The following ALKAL1 variants were observed in gnomAD, a reference collection of about 807,000 sequenced individuals.
ALKAL1 encodes the protein ALK and LTK ligand 1, also known as AUG-beta.
A neutral mutation model predicts 13.5 loss-of-function variants in ALKAL1; 23 were observed. The ratio of observed to expected loss-of-function variants is 1.70; its 90% confidence interval spans 1.23 to 2.41. ALKAL1 has a LOEUF of 2.41. ALKAL1 is among the 30% of genes most tolerant of loss of function. The probability of loss-of-function intolerance (pLI) is 0.00; values close to 1 mark genes in which losing one functional copy is unlikely to be tolerated. For synonymous variants in ALKAL1, 85 were observed against 77.7 expected (o/e 1.09, Z -0.49); for missense variants, 181 against 178.4 (o/e 1.01, Z -0.08).
chr8:52,558,852 G>GA (rs572163593), intron 1 of ALKAL1, among the ~76,000 whole-genome samples: 11 of 151,902 alleles, frequency 7.2e-5, no homozygotes, highest in Admixed American at 2.6e-4. Flanking sequence ...AATTTTTAAA[G>GA]AAAAAAAAGC....
rs186928172 is a variant in ALKAL1, at chr8:52,538,910, C to T, written c.326-403G>A. On this transcript the variant is annotated intron_variant, in intron 3 of 4. Transcript: ENST00000358543. Reference sequence around the variant, plus strand: ...TTTGGAATTTTAATTTATTTATTTACTTATTTATTTATTTATTTATTTAGA... The same window carrying T: ...TTTGGAATTTTAATTTATTTATTTATTTATTTATTTATTTATTTATTTAGA... Among the ~76,000 whole-genome samples, 254 of 151,232 alleles carry T rather than the reference C, an allele frequency of 1.7e-3. 3 individuals carry two copies. In the East Asian group the frequency reaches 0.022, roughly 13 times the overall value.
At chr8:52,555,247 GGAAGAGGC>G (rs1014475530) in intron 1 of ALKAL1, among the ~76,000 whole-genome samples, 10 of 152,018 alleles carry the variant, frequency 6.6e-5, no homozygotes, top group African/African-American at 2.4e-4. Flanking sequence ...ATCATGGGCA[GGAAGAGGC>G]GATGGAGGGC....
At position 52,534,362 on chromosome 8, in the gene ALKAL1, C is replaced by T. The variant is rs1847247611; in HGVS notation, c.*251G>A. 2.9e-6 allele frequency: 1 copy of T among 340,260 alleles called. No individual in the cohort carries two copies. 21.1% of individuals were successfully genotyped at this position (340,260 alleles called of 1,614,324 possible). A position where few individuals can be genotyped will look rare whatever the true frequency, so the allele number is the denominator to read the frequency against. ...AATACAATCACACAATTTTTAATAT[C>T]TAATTTTCAATATGCGATTCAAACT... On this transcript the variant is annotated 3_prime_UTR_variant, in exon 5 of 5. Coordinates refer to ENST00000358543, the MANE Select transcript of ALKAL1 (RefSeq NM_207413.4).
At chr8:52,554,416 AG>A (rs778600018) in intron 1 of ALKAL1, among the ~76,000 whole-genome samples, 2 of 152,226 alleles carry the variant, frequency 1.3e-5, no homozygotes, top group Non-Finnish European at 2.9e-5. Flanking sequence ...CAACAAACAA[AG>A]CAACTGGGAA....
chr8:52,537,230 A>G (rs1847273619), intron 4 of ALKAL1, among the ~76,000 whole-genome samples: 1 of 152,232 alleles, frequency 6.6e-6, no homozygotes, highest in Non-Finnish European at 1.5e-5. Context: ...AATGCTAAAC[A>G]TCACTAATCA....
chr8:52,536,596 T>C (rs1361901347), intron 4 of ALKAL1, among the ~76,000 whole-genome samples: 2 of 152,238 alleles, frequency 1.3e-5, no homozygotes, highest in Non-Finnish European at 2.9e-5. Flanking sequence ...TTATCTTTTT[T>C]ATTCTTTGCT....
In ALKAL1 at chr8:52,538,473, T is replaced by C. The variant is rs779678030; in HGVS notation, c.360A>G (p.Leu120=). The change falls in exon 4 of 5, where the codon TTA becomes TTG. Residue 120 remains leucine, a synonymous_variant. Transcript: ENST00000358543. ...TCTGGGAGCACAGTGGACTCACTGC[T>C]AATCTTGTTAACAATCTAGCACATC... ...YKRCARLLTR[L]AVSPLCSQT 10 of 1,610,962 alleles carry C rather than the reference T, an allele frequency of 6.2e-6. No homozygotes were observed. The East Asian group carries it at 1.6e-4, about 25-fold the overall frequency.
Position 52,565,293 on chromosome 8 carries a change from G to A in ALKAL1, c.-37C>T, listed in dbSNP as rs763211736. On this transcript the variant is annotated 5_prime_UTR_variant, in exon 1 of 5. Coordinates refer to ENST00000358543, the MANE Select transcript of ALKAL1 (RefSeq NM_207413.4). ...GGGAGGAGAGAGCGGGAGACTCCGGGAGGATCCCGACGCAGGTCCGGAGGG... is the reference window on the plus strand; with the variant it reads ...GGGAGGAGAGAGCGGGAGACTCCGGAAGGATCCCGACGCAGGTCCGGAGGG... 26 of 1,263,140 alleles carry A rather than the reference G, an allele frequency of 2.1e-5. No homozygotes were observed. Among genetic ancestry groups the A allele is most frequent in the Non-Finnish European group, 2.5e-5 (25 of 987,178 alleles). 78.2% of individuals were successfully genotyped at this position (1,263,140 alleles called of 1,614,324 possible).
chr8:52,550,434 A>G (rs1847418221), intron 1 of ALKAL1, among the ~76,000 whole-genome samples: 1 of 135,140 alleles, frequency 7.4e-6, no homozygotes, highest in Non-Finnish European at 1.7e-5. Context: ...TGAGCTGCAG[A>G]GACAGAGTTG....
At chr8:52,538,892 TTTTAA>T (rs1346869899) in intron 3 of ALKAL1, among the ~76,000 whole-genome samples, 10 of 151,954 alleles carry the variant, frequency 6.6e-5, no homozygotes, top group African/African-American at 1.9e-4. Flanking sequence ...TATTTTGGAA[TTTTAA>T]TTTATTTATT....
In ALKAL1 at chr8:52,565,070, C is replaced by A. The variant is rs777953303; in HGVS notation, c.187G>T (p.Ala63Ser). 5.7e-6 allele frequency: 8 copies of A among 1,397,588 alleles called. No homozygotes were observed. The highest frequency in any genetic ancestry group is 1.6e-5 in the South Asian group (1 of 62,674). The allele number at this position is 1,397,588 out of a possible 1,614,324, so 86.6% of individuals were successfully genotyped here. ...AGRTPSGSRSAEIFPRDSNLK... is the reference protein window; with the variant it reads ...AGRTPSGSRSSEIFPRDSNLK... ...GGGCGGGATGGGGACATCGTACCTG[C>A]GCTCCGGGAGCCGCTGGGAGTCCGG... The change falls in exon 1 of 5, where the codon GCA (alanine) becomes TCA (serine). Residue 63 changes from alanine (A) to serine (S), a missense_variant. Transcript: ENST00000358543.
intron 1 of ALKAL1, among the ~76,000 whole-genome samples, chr8:52,549,010 T>C (rs1847401666): frequency 6.6e-6 from 1 of 152,198 alleles, no homozygotes; most frequent in Non-Finnish European, 1.5e-5. Flanking sequence ...TGAAAATGTT[T>C]ACTGTTTGCT....
Position 52,565,356 on chromosome 8 carries a change from G to C in ALKAL1, c.-100C>G. 19 of 994,150 alleles carry C rather than the reference G, an allele frequency of 1.9e-5. No homozygotes were observed. The highest frequency in any genetic ancestry group is 2.5e-5 in the Non-Finnish European group (19 of 757,702). The allele number at this position is 994,150 out of a possible 1,614,324, so 61.6% of individuals were successfully genotyped here. On this transcript the variant is annotated 5_prime_UTR_variant, in exon 1 of 5. Coordinates refer to ENST00000358543, the MANE Select transcript of ALKAL1 (RefSeq NM_207413.4). ...GAGAAGGCCAGCGGGACCACAGCGC[G>C]GCTACGCGGCCGGCCGCAGTCTTCA...
intron 1 of ALKAL1, among the ~76,000 whole-genome samples, chr8:52,546,911 A>T (rs1847374956): frequency 6.6e-6 from 1 of 152,154 alleles, no homozygotes; most frequent in African/African-American, 2.4e-5. Context: ...TGCCCAAAAT[A>T]TTGACTATGT....
At chr8:52,541,646 G>A (rs1847313764) in intron 2 of ALKAL1, among the ~76,000 whole-genome samples, 1 of 152,126 alleles carries the variant, frequency 6.6e-6, no homozygotes, top group Non-Finnish European at 1.5e-5. Context: ...GCACATGCCT[G>A]TAATCCCAGC....
At chr8:52,552,381 T>C (rs1847438547) in intron 1 of ALKAL1, among the ~76,000 whole-genome samples, 1 of 152,206 alleles carries the variant, frequency 6.6e-6, no homozygotes, top group Non-Finnish European at 1.5e-5. Context: ...TCAGGATTCT[T>C]ACTGCAAAGC....
At chr8:52,549,341 G>A (rs1424668210) in intron 1 of ALKAL1, among the ~76,000 whole-genome samples, 2 of 151,728 alleles carry the variant, frequency 1.3e-5, no homozygotes, top group Non-Finnish European at 2.9e-5. Flanking sequence ...AATTATAGAT[G>A]AGAACTGTTT....
At chr8:52,540,832 A>T (rs1847305793) in intron 2 of ALKAL1, among the ~76,000 whole-genome samples, 1 of 152,112 alleles carries the variant, frequency 6.6e-6, no homozygotes, top group Non-Finnish European at 1.5e-5. Flanking sequence ...GTCGCTCACA[A>T]CTGCCTCGAA....
At chr8:52,541,522 C>T (rs1847311989) in intron 2 of ALKAL1, among the ~76,000 whole-genome samples, 1 of 152,148 alleles carries the variant, frequency 6.6e-6, no homozygotes. Context: ...AATCCCAGCA[C>T]TTTGGGAAGC....
Sources: gnomAD v4.1 joint callset for allele counts (sites outside exome capture counted in the v4.1 genomes callset) on GRCh38, gnomAD v4.1.1 for gene constraint, MANE v1.5 for transcripts, NCBI Gene and HGNC (gene_info 2026-07-23, HGNC 2026-07-21) for gene names.